The following SUPT5H variants were observed in gnomAD, a reference collection of about 807,000 sequenced individuals.
The protein encoded by SUPT5H is transcription elongation factor SPT5.
A neutral mutation model predicts 142.5 loss-of-function variants in SUPT5H; 24 were observed. The observed-to-expected ratio is 0.17, with a 90% confidence interval of 0.12 to 0.24. The LOEUF is 0.24. SUPT5H is among the 10% of genes least tolerant of loss of function. The pLI is 1.00. For missense variants in SUPT5H, 893 were observed against 1,471.8 expected (o/e 0.61, Z 6.43); for synonymous variants, 546 against 553.0 (o/e 0.99, Z 0.18).
chr19:39,476,332 G>A lies in SUPT5H; in HGVS notation c.3197G>A (p.Arg1066His), dbSNP rs2079405690. Residue 1066 changes from arginine to histidine, a missense_variant, in exon 30 of 30, where the codon CGT (arginine) becomes CAT (histidine). Coordinates refer to ENST00000432763, the MANE Select transcript of SUPT5H (RefSeq NM_001111020.3). Reference protein sequence around the residue: ...LSIDGEDGIVRMDLDEQLKIL... With the variant: ...LSIDGEDGIVHMDLDEQLKIL... ...ATTGATGGTGAGGATGGCATTGTCC[G>A]TATGGACCTTGATGAGCAGCTCAAG... 1.2e-6 allele frequency: 2 copies of A among 1,613,996 alleles called. No individual in the cohort carries two copies. Among genetic ancestry groups the A allele is most frequent in the African/African-American group, 1.3e-5 (1 of 74,878 alleles).
chr19:39,456,507 C>T (rs927403713), intron 3 of SUPT5H, among the ~76,000 whole-genome samples: 2 of 151,754 alleles, frequency 1.3e-5, no homozygotes, highest in African/African-American at 4.8e-5. Flanking sequence ...CAACCTCCAC[C>T]TCCCGGGTTC....
chr19:39,468,731 T>TAG, intron 13 of SUPT5H, 25 bp from the exon 14 acceptor site: 2 of 1,604,722 alleles, frequency 1.2e-6, no homozygotes, highest in Non-Finnish European at 1.7e-6. Context: ...TCCCTTCTAA[T>TAG]CTTCTCTCCC....
intron 13 of SUPT5H, 132 bp from the exon 14 acceptor site, chr19:39,468,624 G>T (rs189841146): frequency 2.8e-6 from 2 of 720,666 alleles, no homozygotes; most frequent in Admixed American, 4.6e-5. Context: ...TGCCAAGAGG[G>T]TGTGTGCTGG....
At position 39,458,349 on chromosome 19, in the gene SUPT5H, C is replaced by T. The variant is rs2079118907; in HGVS notation, c.319+44C>T. The T allele has an allele frequency of 6.7e-7, 1 of 1,482,654 alleles. No homozygotes were observed. The highest frequency in any genetic ancestry group is 1.4e-5 in the African/African-American group (1 of 70,262). 91.8% of individuals were successfully genotyped at this position (1,482,654 alleles called of 1,614,324 possible). ...TGATTCCCTGACCTTCCTCCCATAT[C>T]CTGACATTTCCTCCTTCCTGAGGCA... On this transcript the variant is annotated intron_variant, in intron 5 of 29. Transcript: ENST00000432763. The surrounding 1 kb of genome is among the most constrained non-coding windows in gnomAD (Gnocchi z 4.2).
rs944551957 is a variant in SUPT5H at position 39,469,429 on chromosome 19, G to A, written c.1374+31G>A. 13 of 1,614,008 alleles carry A rather than the reference G, an allele frequency of 8.1e-6. No homozygotes were observed. The highest frequency in any genetic ancestry group is 1.0e-5 in the Non-Finnish European group (12 of 1,179,988). ...TGCCCGGTGTTCTCGGGCAGGGGTTGGAGTGTTCAGGCACATCTGACTGTA... is the reference window on the plus strand; with the variant it reads ...TGCCCGGTGTTCTCGGGCAGGGGTTAGAGTGTTCAGGCACATCTGACTGTA... On this transcript the variant is annotated intron_variant, in intron 16 of 29. Coordinates refer to ENST00000432763, the MANE Select transcript of SUPT5H (RefSeq NM_001111020.3). This position sits in a 1 kb window ranked among gnomAD's most constrained non-coding sequence, Gnocchi z 5.1.
chr19:39,476,529 T>C lies in SUPT5H; in HGVS notation c.*130T>C. The C allele has an allele frequency of 7.9e-6, 10 of 1,268,706 alleles. No individual in the cohort carries two copies. The highest frequency in any genetic ancestry group is 1.1e-5 in the Non-Finnish European group (10 of 930,984). The allele number at this position is 1,268,706 out of a possible 1,614,324, so 78.6% of individuals were successfully genotyped here. A position where few individuals can be genotyped will look rare whatever the true frequency, so the allele number is the denominator to read the frequency against. ...CTGGATTTCCTTTTGTTTTTCCTTT[T>C]AGTTTTCCATCTTTTCCCTCCCTGG... is the stretch of plus-strand genomic sequence containing the variant. On this transcript the variant is annotated 3_prime_UTR_variant, in exon 30 of 30. Coordinates refer to ENST00000432763, the MANE Select transcript of SUPT5H (RefSeq NM_001111020.3).
intron 13 of SUPT5H, chr19:39,467,074 T>TA (rs926083270): frequency 1.1e-5 from 2 of 187,628 alleles, no homozygotes; most frequent in South Asian, 1.3e-4. Context: ...AGAAAAAAGT[T>TA]AAAAAAATAT....
At chr19:39,451,217 C>T (rs1257208911) in intron 2 of SUPT5H, among the ~76,000 whole-genome samples, 2 of 114,310 alleles carry the variant, frequency 1.7e-5, no homozygotes, top group African/African-American at 7.0e-5. Context: ...GAGACAGAGT[C>T]TTGCTGTGTC....
intron 2 of SUPT5H, among the ~76,000 whole-genome samples, chr19:39,450,849 G>A (rs560162441): frequency 1.3e-5 from 2 of 152,284 alleles, no homozygotes; most frequent in Non-Finnish European, 2.9e-5. Flanking sequence ...GCCTCTGGGT[G>A]GGAGAACAGG....
At position 39,472,391 on chromosome 19, in the gene SUPT5H, T is replaced by G. The variant is rs373747706; in HGVS notation, c.1951-18T>G. The G allele has an allele frequency of 6.2e-7, 1 of 1,613,538 alleles. No homozygotes were observed. Among genetic ancestry groups the G allele is most frequent in the Non-Finnish European group, 8.5e-7 (1 of 1,179,636 alleles). ...CCCCATCCCCTGCCTGCCAGTTCAC[T>G]CCTTGCTTCTATCCTAGCCCCGTGA... On this transcript the variant is annotated intron_variant, in intron 20 of 29. Coordinates refer to ENST00000432763, the MANE Select transcript of SUPT5H (RefSeq NM_001111020.3). The surrounding 1 kb of genome is among the most constrained non-coding windows in gnomAD (Gnocchi z 4.2).
intron 10 of SUPT5H, among the ~76,000 whole-genome samples, chr19:39,461,881 C>T (rs1254465000): frequency 6.6e-6 from 1 of 151,594 alleles, no homozygotes; most frequent in African/African-American, 2.4e-5. Flanking sequence ...TCAAATCCTC[C>T]TACATGGTAC....
At position 39,459,131 on chromosome 19, in the gene SUPT5H, G is replaced by C. The variant is rs924327081; in HGVS notation, c.459-53G>C. 7.4e-6 allele frequency: 12 copies of C among 1,613,232 alleles called. No homozygotes were observed. In the African/African-American group the frequency reaches 1.6e-4, roughly 22 times the overall value. The stretch of plus-strand genomic sequence containing the variant: ...GAGCAGGTGGTCCCTAAGCGGGAAG[G>C]GGCGGGGATCTGACAGAGCTTCACC... On this transcript the variant is annotated intron_variant, in intron 7 of 29. Transcript: ENST00000432763.
intron 2 of SUPT5H, among the ~76,000 whole-genome samples, chr19:39,447,643 T>A (rs1030156530): frequency 6.6e-6 from 1 of 152,132 alleles, no homozygotes; most frequent in Admixed American, 6.5e-5. Context: ...GGTCTTGAAC[T>A]CCTGACCTCA....
Position 39,469,606 on chromosome 19 carries a change from T to G in SUPT5H, c.1374+208T>G. ...AGGCCTGCCTGGTGGTGTCTGTCTC[T>G]GGAGAGTGACTTGGTCTATCTTTTG... On this transcript the variant is annotated intron_variant, in intron 16 of 29. Coordinates refer to ENST00000432763, the MANE Select transcript of SUPT5H (RefSeq NM_001111020.3). The surrounding 1 kb of genome is among the most constrained non-coding windows in gnomAD (Gnocchi z 5.1). 1 of 659,234 alleles carries G rather than the reference T, an allele frequency of 1.5e-6. No individual in the cohort carries two copies. The highest frequency in any genetic ancestry group is 1.9e-5 in the South Asian group (1 of 52,736). 40.8% of individuals were successfully genotyped at this position (659,234 alleles called of 1,614,324 possible).
intron 10 of SUPT5H, among the ~76,000 whole-genome samples, chr19:39,462,099 G>A (rs746119470): frequency 6.6e-6 from 1 of 151,864 alleles, no homozygotes; most frequent in East Asian, 1.9e-4. Flanking sequence ...TAATAGAGAC[G>A]GGGTTTCACC....
At chr19:39,463,967 T>C (rs1002795473) in intron 10 of SUPT5H, among the ~76,000 whole-genome samples, 2 of 151,802 alleles carry the variant, frequency 1.3e-5, no homozygotes, top group African/African-American at 4.8e-5. Flanking sequence ...ACTCCTTTCT[T>C]GGTTCTTCTT....
chr19:39,458,989 C>T lies in SUPT5H; in HGVS notation c.390-16C>T. 1 of 1,614,062 alleles carries T rather than the reference C, an allele frequency of 6.2e-7. No homozygotes were observed. Among genetic ancestry groups the T allele is most frequent in the South Asian group, 1.1e-5 (1 of 91,082 alleles). On this transcript the variant is annotated splice_polypyrimidine_tract_variant and intron_variant, in intron 6 of 29. Coordinates refer to ENST00000432763, the MANE Select transcript of SUPT5H (RefSeq NM_001111020.3). The surrounding 1 kb of genome is among the most constrained non-coding windows in gnomAD (Gnocchi z 4.2). ...TCAACCTTCAATTCGTGTTTGCTTC[C>T]CCACTCGTGCTCCAGGGACCAGCGA...
chr19:39,463,006 A>ATTT (rs34217986), intron 10 of SUPT5H, among the ~76,000 whole-genome samples: 2 of 103,084 alleles, frequency 1.9e-5, no homozygotes, highest in Non-Finnish European at 3.8e-5. Flanking sequence ...TGCCCAGCTA[A>ATTT]TTTTTTTTTT....
rs2079306872 is a variant in SUPT5H at position 39,470,672 on chromosome 19, A to C, written c.1677+149A>C. On this transcript the variant is annotated intron_variant, in intron 18 of 29. Coordinates refer to ENST00000432763, the MANE Select transcript of SUPT5H (RefSeq NM_001111020.3). This position sits in a 1 kb window ranked among gnomAD's most constrained non-coding sequence, Gnocchi z 5.8. ...TACATCTGAATGGCTGATAGTGGGC[A>C]CATGGCAAGTCATTGATCCCTCCCC... 3 of 900,324 alleles carry C rather than the reference A, an allele frequency of 3.3e-6. No individual in the cohort carries two copies. Among genetic ancestry groups the C allele is most frequent in the Non-Finnish European group, 4.8e-6 (3 of 619,030 alleles). 55.8% of individuals were successfully genotyped at this position (900,324 alleles called of 1,614,324 possible). A position where few individuals can be genotyped will look rare whatever the true frequency, so the allele number is the denominator to read the frequency against.
Sources: gnomAD v4.1 joint callset for allele counts (sites outside exome capture counted in the v4.1 genomes callset) on GRCh38, gnomAD v4.1.1 for gene constraint, Gnocchi (gnomAD v3.1) non-coding constraint, MANE v1.5 for transcripts, NCBI Gene and HGNC (gene_info 2026-07-23, HGNC 2026-07-21) for gene names.